The following PRH1 variants were observed in gnomAD, a reference collection of about 807,000 sequenced individuals.
PRH1 encodes the protein salivary acidic proline-rich phosphoprotein 1/2.
Under a neutral mutation model 7.9 loss-of-function variants are expected in PRH1, and 7 were observed. The observed-to-expected ratio is 0.89, with a 90% CI of 0.50 to 1.67. The LOEUF (loss-of-function observed/expected upper bound fraction) is 1.67, where lower values mean the gene tolerates loss of function less well. Ranked by LOEUF, PRH1 falls within the 40% of genes most tolerant of loss-of-function variation. The probability of loss-of-function intolerance (pLI) is 0.00; values close to 1 mark genes in which losing one functional copy is unlikely to be tolerated. For missense variants in PRH1, 109 were observed against 223.6 expected, an observed-to-expected ratio of 0.49 and a Z score of 3.27; for synonymous variants, 45 against 80.8, an observed-to-expected ratio of 0.56 and a Z score of 2.38.
intron 1 of PRH1, among the ~76,000 whole-genome samples, chr12:11,137,612 GAA>G (rs1224679018): frequency 2.6e-5 from 4 of 152,290 alleles, no homozygotes; most frequent in South Asian, 2.1e-4. Flanking sequence ...TGATCATAGT[GAA>G]AAGAGGATTA....
chr12:10,931,748 T>C (rs1486042613), intron 2 of PRH1, among the ~76,000 whole-genome samples: 1 of 152,218 alleles, frequency 6.6e-6, no homozygotes, highest in Non-Finnish European at 1.5e-5. Context: ...TTCTGTGTCT[T>C]ACTTATTGGA....
At chr12:11,153,893 T>C (rs981906306) in intron 1 of PRH1, among the ~76,000 whole-genome samples, 1 of 152,078 alleles carries the variant, frequency 6.6e-6, no homozygotes, top group African/African-American at 2.4e-5. Flanking sequence ...TTATGATAAA[T>C]ATTATGAGCT....
intron 1 of PRH1, among the ~76,000 whole-genome samples, chr12:11,021,224 G>T (rs544698754): frequency 2.0e-5 from 3 of 152,140 alleles, no homozygotes; most frequent in South Asian, 4.2e-4. Context: ...TCTTATCATT[G>T]ATTTAAAATT....
chr12:10,984,623 G>A (rs1269362008), intron 1 of PRH1, among the ~76,000 whole-genome samples: 2 of 152,014 alleles, frequency 1.3e-5, no homozygotes, highest in East Asian at 3.9e-4. Flanking sequence ...TACCAGGAAA[G>A]ATATATGATA....
At chr12:11,042,636 T>A (rs1229642766) in intron 1 of PRH1, among the ~76,000 whole-genome samples, 3 of 137,562 alleles carry the variant, frequency 2.2e-5, no homozygotes, top group Non-Finnish European at 4.7e-5. Flanking sequence ...TTTTTTTTTT[T>A]TTTTTTTTTT....
intron 1 of PRH1, chr12:11,091,620 T>C: frequency 8.0e-7 from 1 of 1,251,622 alleles, no homozygotes; most frequent in Non-Finnish European, 1.1e-6. Flanking sequence ...TTGAGATGTT[T>C]ACACAAAGAA....
chr12:11,113,906 A>G (rs942689078), intron 1 of PRH1, among the ~76,000 whole-genome samples: 2 of 152,228 alleles, frequency 1.3e-5, no homozygotes, highest in African/African-American at 4.8e-5. Context: ...TGGGAAAGAA[A>G]GAAGCTCATC....
rs780710545 is a variant in PRH1, at chr12:11,031,302, C to A, written c.-126+15718G>T. ...CCAATAACAAATAGAACCACTACCA[C>A]ACTGGAAAAAATGATGGGTATAAAA... On this transcript the variant is annotated intron_variant, in intron 1 of 3. Transcript: ENST00000539853. 18 of 1,608,756 alleles carry A rather than the reference C, an allele frequency of 1.1e-5. No homozygotes were observed. In the South Asian group the frequency reaches 2.0e-4, roughly 18 times the overall value.
At chr12:11,049,985 C>T (rs1428448441), upstream of PRH1, among the ~76,000 whole-genome samples, 1 of 149,708 alleles carries the variant, frequency 6.7e-6, no homozygotes, top group African/African-American at 2.4e-5. Flanking sequence ...AACGAGTTTC[C>T]CCAGGAGGTC....
At chr12:10,986,232 T>A (rs776189290) in intron 1 of PRH1, 2 of 1,614,006 alleles carry the variant, frequency 1.2e-6, no homozygotes, top group African/African-American at 2.7e-5. Flanking sequence ...TCCATGGAGC[T>A]GCATCTTCTT....
At position 11,089,744 on chromosome 12, in the gene PRH1, T is replaced by C. The variant is rs1442215661; in HGVS notation, n.124-42556A>G. Among the ~76,000 whole-genome samples the C allele has an allele frequency of 3.5e-5, 4 of 114,658 alleles. 1 individual carries two copies. The highest frequency in any genetic ancestry group is 4.3e-4 in the East Asian group (2 of 4,704). The allele number at this position is 114,658 out of a possible 152,430, so 75.2% of individuals were successfully genotyped here. Reference sequence around the variant, plus strand: ...CATAATACAAATATATAATTCACAATAGAAAAAAAATTCAAATAGACCAAA... The same window carrying C: ...CATAATACAAATATATAATTCACAACAGAAAAAAAATTCAAATAGACCAAA... On this transcript the variant is annotated intron_variant and non_coding_transcript_variant, in intron 1 of 4. Transcript: ENST00000541977.
upstream of PRH1, among the ~76,000 whole-genome samples, chr12:10,885,123 T>C (rs1033104824): frequency 6.6e-6 from 1 of 152,198 alleles, no homozygotes; most frequent in African/African-American, 2.4e-5. Context: ...TTCTAATAAA[T>C]ATTGTAATTG....
At chr12:11,143,776 A>G (rs536608158) in intron 1 of PRH1, among the ~76,000 whole-genome samples, 2 of 152,052 alleles carry the variant, frequency 1.3e-5, no homozygotes, top group South Asian at 2.1e-4. Context: ...TCGAAAGGAT[A>G]TAACAATTGT....
chr12:10,938,552 G>T, intron 2 of PRH1: 1 of 1,613,982 alleles, frequency 6.2e-7, no homozygotes, highest in South Asian at 1.1e-5. Context: ...GGCGTCTCCG[G>T]ATATTTTGAC....
At chr12:11,026,952 C>T (rs1237756447) in intron 1 of PRH1, among the ~76,000 whole-genome samples, 3 of 152,150 alleles carry the variant, frequency 2.0e-5, no homozygotes, top group African/African-American at 4.8e-5. Flanking sequence ...TTTAAAACAT[C>T]GTGATTATTT....
intron 1 of PRH1, among the ~76,000 whole-genome samples, chr12:11,141,142 T>G (rs1055478476): frequency 4.6e-5 from 7 of 152,220 alleles, no homozygotes; most frequent in Non-Finnish European, 1.0e-4. Flanking sequence ...AGGGAGATCA[T>G]CCAGGTGGAA....
chr12:11,151,315 T>C (rs1359159840), intron 1 of PRH1, among the ~76,000 whole-genome samples: 5 of 151,994 alleles, frequency 3.3e-5, no homozygotes, highest in Non-Finnish European at 7.4e-5. Context: ...CCATAAGTGC[T>C]GTTGCTGCTC....
chr12:11,133,857 G>A, intron 1 of PRH1: 1 of 1,614,124 alleles, frequency 6.2e-7, no homozygotes, highest in South Asian at 1.1e-5. Flanking sequence ...AGTATCACCA[G>A]AACAACACTC....
chr12:10,923,695 G>A (rs1275750155), intron 2 of PRH1, among the ~76,000 whole-genome samples: 2 of 152,218 alleles, frequency 1.3e-5, no homozygotes, highest in Admixed American at 6.5e-5. Flanking sequence ...TTAGGCATAA[G>A]TAGCAGTTAC....
Sources: allele counts gnomAD v4.1 joint callset (sites outside exome capture counted in the v4.1 genomes callset), GRCh38; gene constraint gnomAD v4.1.1; transcripts MANE v1.5; gene names NCBI Gene and HGNC (gene_info 2026-07-23, HGNC 2026-07-21).